Variants in TTLL5 observed in about 807,000 individuals in gnomAD.
TTLL5 encodes the protein tubulin tyrosine ligase like 5, also known as tubulin polyglutamylase TTLL5.
TTLL5 carries 132 observed loss-of-function variants against 168.4 expected under a neutral mutation model. The ratio of observed to expected loss-of-function variants is 0.78; its 90% confidence interval spans 0.68 to 0.91. The LOEUF (loss-of-function observed/expected upper bound fraction) is 0.91, where lower values mean the gene tolerates loss of function less well. TTLL5 is among the 40% of genes least tolerant of loss of function. The probability of loss-of-function intolerance (pLI) is 0.00; values close to 1 mark genes in which losing one functional copy is unlikely to be tolerated. For synonymous variants in TTLL5, 546 were observed against 558.6 expected (o/e 0.98, Z 0.32); for missense variants, 1,545 against 1,581.5 (o/e 0.98, Z 0.39).
intron 31 of TTLL5, among the ~76,000 whole-genome samples, chr14:75,941,155 T>C (rs1302553854): frequency 1.3e-5 from 2 of 152,228 alleles, no homozygotes; most frequent in Non-Finnish European, 2.9e-5. Context: ...CCATGTCCCA[T>C]GTGGCTGCAT....
At chr14:75,826,115 G>A (rs1027132321) in intron 28 of TTLL5, among the ~76,000 whole-genome samples, 6 of 152,144 alleles carry the variant, frequency 3.9e-5, no homozygotes, top group African/African-American at 1.4e-4. Flanking sequence ...GGAACCTGGG[G>A]CCGAGTGTCA....
At chr14:75,751,740 T>C (rs1247266400) in intron 17 of TTLL5, among the ~76,000 whole-genome samples, 1 of 151,030 alleles carries the variant, frequency 6.6e-6, no homozygotes, top group Non-Finnish European at 1.5e-5. Context: ...GGTGAGAGAG[T>C]GTTACTGGAA....
chr14:75,757,336 G>A (rs1488633270), intron 18 of TTLL5, among the ~76,000 whole-genome samples: 1 of 151,990 alleles, frequency 6.6e-6, no homozygotes, highest in Non-Finnish European at 1.5e-5. Context: ...CATCCCTTTT[G>A]AACCCCATGA....
intron 2 of TTLL5, among the ~76,000 whole-genome samples, chr14:75,665,155 A>G (rs761062547): frequency 6.6e-6 from 1 of 152,262 alleles, no homozygotes; most frequent in African/African-American, 2.4e-5. Context: ...TATTACAAAG[A>G]GTACTAATTA....
intron 27 of TTLL5, among the ~76,000 whole-genome samples, chr14:75,807,925 T>C (rs1893752646): frequency 6.6e-6 from 1 of 152,240 alleles, no homozygotes; most frequent in Non-Finnish European, 1.5e-5. Context: ...TTGCAAAACA[T>C]GTGGCTCTGT....
intron 31 of TTLL5, among the ~76,000 whole-genome samples, chr14:75,903,195 G>A (rs1156493950): frequency 2.6e-5 from 4 of 152,104 alleles, no homozygotes; most frequent in Admixed American, 1.3e-4. Context: ...AGTAAGCAGT[G>A]GGGCATATTT....
chr14:75,689,499 A>G (rs1453251147), intron 5 of TTLL5: 1 of 152,274 alleles, frequency 6.6e-6, no homozygotes, highest in African/African-American at 2.4e-5. Context: ...CGTTTACAGT[A>G]AAACTTACAA....
At chr14:75,825,181 T>A (rs1895053725) in intron 28 of TTLL5, among the ~76,000 whole-genome samples, 1 of 152,194 alleles carries the variant, frequency 6.6e-6, no homozygotes, top group Admixed American at 6.5e-5. Context: ...TGTAGGTTTC[T>A]TGGTAACTCT....
intron 12 of TTLL5, among the ~76,000 whole-genome samples, chr14:75,725,083 C>T (rs1396013657): frequency 6.6e-6 from 1 of 152,190 alleles, no homozygotes. Flanking sequence ...TTGTTCTGAT[C>T]AGAGCCCAGT....
intron 27 of TTLL5, among the ~76,000 whole-genome samples, chr14:75,817,294 G>A (rs1894486059): frequency 6.6e-6 from 1 of 151,988 alleles, no homozygotes; most frequent in Non-Finnish European, 1.5e-5. Context: ...CTGCCTTTTA[G>A]TTAGCATATG....
At chr14:75,709,158 G>GT in intron 9 of TTLL5, 1 of 758,684 alleles carries the variant, frequency 1.3e-6, no homozygotes, top group Admixed American at 1.7e-5. Flanking sequence ...AGCCTGGTCT[G>GT]TGTATGTTTC....
At chr14:75,895,527 T>TA (rs200312162) in intron 30 of TTLL5, among the ~76,000 whole-genome samples, 16 of 152,048 alleles carry the variant, frequency 1.1e-4, no homozygotes, top group East Asian at 1.9e-4. Flanking sequence ...GGTTTTTTTT[T>TA]AAAAAAAATC....
rs565403805 is a variant in TTLL5 at position 75,707,807 on chromosome 14, A to G, written c.740+100A>G. On this transcript the variant is annotated intron_variant, in intron 9 of 31. Transcript: ENST00000298832. ...CAAGTTTATTAAATCAGATCATGCT[A>G]TTTTTACTTGTCATTACTGCTTACA... The G allele has an allele frequency of 4.2e-5, 43 of 1,030,794 alleles. No homozygotes were observed. In the African/African-American group the frequency reaches 5.9e-4, roughly 14 times the overall value. The allele number at this position is 1,030,794 out of a possible 1,614,324, so 63.9% of individuals were successfully genotyped here.
intron 26 of TTLL5, among the ~76,000 whole-genome samples, chr14:75,784,232 C>A (rs1892238233): frequency 6.6e-6 from 1 of 152,216 alleles, no homozygotes; most frequent in African/African-American, 2.4e-5. Context: ...ATCTACTTCT[C>A]TGTTTTTACA....
chr14:75,862,564 GAA>G (rs1019318394), intron 28 of TTLL5, among the ~76,000 whole-genome samples: 27 of 152,130 alleles, frequency 1.8e-4, no homozygotes, highest in African/African-American at 6.5e-4. Context: ...TTTCTACTGG[GAA>G]AAGTGATCTG....
intron 30 of TTLL5, chr14:75,887,453 C>A: frequency 2.1e-6 from 1 of 473,376 alleles, no homozygotes; most frequent in Non-Finnish European, 2.8e-6. Flanking sequence ...TTATTATGTG[C>A]AGTTTCAAGA....
chr14:75,753,003 CAG>C, intron 18 of TTLL5, 48 bp downstream of exon 18: 1 of 1,539,170 alleles, frequency 6.5e-7, no homozygotes, highest in Non-Finnish European at 9.0e-7. Flanking sequence ...ACAAGATTAA[CAG>C]AAAGTACATG....
intron 12 of TTLL5, among the ~76,000 whole-genome samples, chr14:75,727,281 AC>A (rs1292149831): frequency 6.6e-6 from 1 of 152,226 alleles, no homozygotes; most frequent in Non-Finnish European, 1.5e-5. Context: ...AAAATTGGAA[AC>A]AATCCAAATG....
chr14:75,709,071 G>C (rs1886859827), intron 9 of TTLL5: 1 of 662,542 alleles, frequency 1.5e-6, no homozygotes, highest in South Asian at 1.6e-5. Flanking sequence ...GTGGGCCTCA[G>C]GTTGGACAAG....
Sources: gnomAD v4.1 joint callset for allele counts (sites outside exome capture counted in the v4.1 genomes callset) on GRCh38, gnomAD v4.1.1 for gene constraint, MANE v1.5 for transcripts, NCBI Gene and HGNC (gene_info 2026-07-23, HGNC 2026-07-21) for gene names.